Variants in IL1RAPL1 observed in about 807,000 individuals in gnomAD.
IL1RAPL1 encodes interleukin 1 receptor accessory protein like 1.
Under a neutral mutation model 48.4 loss-of-function variants are expected in IL1RAPL1, and 3 were observed. The observed-to-expected ratio is 0.06, with a 90% confidence interval of 0.03 to 0.16. The LOEUF is 0.16. Ranked by LOEUF, IL1RAPL1 falls within the 10% of genes least tolerant of loss-of-function variation. IL1RAPL1 has a pLI of 1.00. For missense variants in IL1RAPL1, 349 were observed against 530.6 expected, an observed-to-expected ratio of 0.66 and a Z score of 3.36; for synonymous variants, 185 against 187.7, an observed-to-expected ratio of 0.99 and a Z score of 0.12.
chrX:28,743,042 C>T (rs766893005), intron 1 of IL1RAPL1, among the ~76,000 whole-genome samples: 10 of 111,619 alleles, frequency 9.0e-5, no homozygotes, highest in Non-Finnish European at 1.7e-4. Context: ...CTTAATGAAG[C>T]ATCATAATTG....
intron 2 of IL1RAPL1, among the ~76,000 whole-genome samples, chrX:29,071,233 G>A (rs1478278816): frequency 1.8e-5 from 2 of 111,578 alleles, no homozygotes; most frequent in African/African-American, 3.3e-5. Context: ...TAACAAAGAC[G>A]AGAATAAATA....
chrX:28,681,461 C>T (rs1053918882), intron 1 of IL1RAPL1, among the ~76,000 whole-genome samples: 5 of 111,498 alleles, frequency 4.5e-5, no homozygotes, highest in African/African-American at 1.6e-4. Context: ...AATAGGCAAA[C>T]TTCTAGAACA....
At chrX:29,460,081 C>G (rs1934785062) in intron 5 of IL1RAPL1, among the ~76,000 whole-genome samples, 1 of 111,632 alleles carries the variant, frequency 9.0e-6, no homozygotes, top group Admixed American at 9.5e-5. Context: ...ACCATATGCA[C>G]CAGTACTTTT....
intron 1 of IL1RAPL1, among the ~76,000 whole-genome samples, chrX:28,695,184 A>G (rs1051140133): frequency 1.8e-5 from 2 of 111,263 alleles, no homozygotes; most frequent in African/African-American, 6.5e-5. Context: ...TTTTTACCTC[A>G]TTATTACTAG....
chrX:29,309,665 T>C (rs932409176), intron 3 of IL1RAPL1, among the ~76,000 whole-genome samples: 1 of 109,083 alleles, frequency 9.2e-6, no homozygotes, highest in Non-Finnish European at 1.9e-5. Context: ...ATACAAAAAT[T>C]AGCCGGACGT....
At chrX:29,587,841 A>G (rs1394673469) in intron 5 of IL1RAPL1, among the ~76,000 whole-genome samples, 2 of 112,084 alleles carry the variant, frequency 1.8e-5, no homozygotes, top group Non-Finnish European at 3.8e-5. Flanking sequence ...CAACTGCAGT[A>G]GTGCTTTTGT....
At chrX:29,033,899 GAC>G (rs372644096) in intron 2 of IL1RAPL1, among the ~76,000 whole-genome samples, 22 of 102,950 alleles carry the variant, frequency 2.1e-4, no homozygotes, top group African/African-American at 3.9e-4. Flanking sequence ...CAAGAAATGG[GAC>G]ACACACACAC....
chrX:28,719,564 T>C (rs1241199229), intron 1 of IL1RAPL1, among the ~76,000 whole-genome samples: 4 of 110,345 alleles, frequency 3.6e-5, no homozygotes, highest in African/African-American at 1.3e-4. Context: ...TTTTGTGACA[T>C]AAATATTATA....
chrX:28,748,353 T>G (rs1462268567), intron 1 of IL1RAPL1, among the ~76,000 whole-genome samples: 1 of 111,866 alleles, frequency 8.9e-6, no homozygotes, highest in Non-Finnish European at 1.9e-5. Flanking sequence ...TTATTTCTCT[T>G]TCTTGCATTT....
intron 2 of IL1RAPL1, among the ~76,000 whole-genome samples, chrX:29,082,320 T>A (rs1927861443): frequency 8.9e-6 from 1 of 112,300 alleles, no homozygotes; most frequent in Non-Finnish European, 1.9e-5. Flanking sequence ...GTCATAATGT[T>A]CCCATTCATA....
chrX:29,029,484 C>T (rs892502546), intron 2 of IL1RAPL1, among the ~76,000 whole-genome samples: 20 of 111,604 alleles, frequency 1.8e-4, no homozygotes, highest in African/African-American at 6.2e-4. Flanking sequence ...TTATGCTACA[C>T]CCAGGTGCTA....
intron 2 of IL1RAPL1, among the ~76,000 whole-genome samples, chrX:29,048,007 T>C (rs1178938405): frequency 9.0e-6 from 1 of 111,312 alleles, no homozygotes; most frequent in African/African-American, 3.3e-5. Flanking sequence ...CACTCCCCTT[T>C]CCTTCCCTGT....
chrX:29,402,240 T>C (rs753216667), intron 5 of IL1RAPL1, among the ~76,000 whole-genome samples: 1 of 111,634 alleles, frequency 9.0e-6, no homozygotes, highest in East Asian at 2.8e-4. Flanking sequence ...CCCTCTGAAC[T>C]CTTATTCATG....
At chrX:29,235,222 A>G (rs1931268977) in intron 2 of IL1RAPL1, among the ~76,000 whole-genome samples, 1 of 112,008 alleles carries the variant, frequency 8.9e-6, no homozygotes, top group Non-Finnish European at 1.9e-5. Flanking sequence ...CACTTACTGC[A>G]GGAACAATAT....
chrX:28,858,540 T>C (rs12845937), intron 2 of IL1RAPL1, among the ~76,000 whole-genome samples: 12,168 of 111,850 alleles, frequency 0.11, 536 homozygotes, highest in Middle Eastern at 0.27. Context: ...GCAAAAAGAT[T>C]AAGATTTGTG....
intron 5 of IL1RAPL1, among the ~76,000 whole-genome samples, chrX:29,596,624 C>A (rs1225998346): frequency 8.9e-6 from 1 of 111,768 alleles, no homozygotes; most frequent in Non-Finnish European, 1.9e-5. Flanking sequence ...ATTCTAGGAG[C>A]TTTTTGGATG....
rs747501139 is a variant in IL1RAPL1, at chrX:29,464,481, G to A, written c.703+65173G>A. On this transcript the variant is annotated intron_variant, in intron 5 of 10. Transcript: ENST00000378993. The stretch of plus-strand genomic sequence containing the variant: ...TTCTCAGGATTGGTATATATGAGTG[G>A]TAAGGAATACTACTAAATTTTATAC... 9.8e-5 allele frequency among the ~76,000 whole-genome samples: 11 copies of A among 112,228 alleles called. No homozygotes were observed. The South Asian group carries it at 3.7e-3, about 38-fold the overall frequency.
At chrX:29,020,119 A>G (rs1926330113) in intron 2 of IL1RAPL1, among the ~76,000 whole-genome samples, 1 of 112,680 alleles carries the variant, frequency 8.9e-6, no homozygotes, top group African/African-American at 3.2e-5. Context: ...GGCAGATAAT[A>G]GTTTCAAAAT....
chrX:28,744,169 G>A (rs1935943945), intron 1 of IL1RAPL1, among the ~76,000 whole-genome samples: 1 of 110,604 alleles, frequency 9.0e-6, no homozygotes, highest in Admixed American at 9.7e-5. Context: ...GCATATCTAT[G>A]CTATACGTTC....
Sources: allele counts gnomAD v4.1 joint callset (sites outside exome capture counted in the v4.1 genomes callset), GRCh38; gene constraint gnomAD v4.1.1; transcripts MANE v1.5; gene names NCBI Gene and HGNC (gene_info 2026-07-23, HGNC 2026-07-21).